Variants in RNASEH2B observed in about 807,000 individuals in gnomAD.
RNASEH2B encodes ribonuclease H2 subunit B.
Under a neutral mutation model 45.0 loss-of-function variants are expected in RNASEH2B, and 36 were observed. The ratio of observed to expected loss-of-function variants is 0.80; its 90% CI spans 0.61 to 1.06. The LOEUF (loss-of-function observed/expected upper bound fraction) is 1.06. Among genes scored for constraint, RNASEH2B ranks in the 50% least tolerant of loss-of-function variants. The pLI is 0.00. For missense variants in RNASEH2B, 361 were observed against 360.3 expected, an observed-to-expected ratio of 1.00 and a Z score of -0.02; for synonymous variants, 119 against 125.7, an observed-to-expected ratio of 0.95 and a Z score of 0.35.
chr13:50,948,188 A>G, intron 8 of RNASEH2B, 120 bp downstream of exon 8: 9 of 1,507,640 alleles, frequency 6.0e-6, no homozygotes, highest in Non-Finnish European at 8.1e-6. Flanking sequence ...TTCTTCAGCT[A>G]TGTCATATAC....
intron 1 of RNASEH2B, 81 bp downstream of exon 1, chr13:50,910,221 C>G: frequency 1.0e-6 from 1 of 974,816 alleles, no homozygotes; most frequent in Non-Finnish European, 1.4e-6. Context: ...CGCCCCCCAC[C>G]CCGGTGGCTC....
At chr13:50,962,717 C>T (rs1405529318) in intron 9 of RNASEH2B, among the ~76,000 whole-genome samples, 1 of 152,152 alleles carries the variant, frequency 6.6e-6, no homozygotes, top group Non-Finnish European at 1.5e-5. Flanking sequence ...TTCTCCTTTA[C>T]ATAATGTGTC....
intron 9 of RNASEH2B, among the ~76,000 whole-genome samples, chr13:50,965,829 G>A (rs1287149088): frequency 6.6e-6 from 1 of 152,148 alleles, no homozygotes; most frequent in Non-Finnish European, 1.5e-5. Context: ...ATTTTACGTA[G>A]CATTTAGAGA....
At chr13:50,915,870 C>T (rs913982577) in intron 1 of RNASEH2B, among the ~76,000 whole-genome samples, 1 of 152,222 alleles carries the variant, frequency 6.6e-6, no homozygotes, top group Admixed American at 6.5e-5. Context: ...CTTACTCCTC[C>T]GAGGGCCTAG....
intron 1 of RNASEH2B, among the ~76,000 whole-genome samples, chr13:50,922,272 TAAG>T (rs1951533631): frequency 6.6e-6 from 1 of 152,200 alleles, no homozygotes; most frequent in African/African-American, 2.4e-5. Flanking sequence ...AAGATGTCCA[TAAG>T]AGGCTTTTAA....
chr13:50,915,674 A>G (rs545632765), intron 1 of RNASEH2B, among the ~76,000 whole-genome samples: 28 of 152,366 alleles, frequency 1.8e-4, no homozygotes, highest in African/African-American at 6.7e-4. Context: ...TCCAAACAGT[A>G]GAGCATGTCA....
intron 1 of RNASEH2B, among the ~76,000 whole-genome samples, chr13:50,921,839 G>A (rs1482037566): frequency 6.6e-6 from 1 of 152,182 alleles, no homozygotes; most frequent in Non-Finnish European, 1.5e-5. Flanking sequence ...AATCTTATTA[G>A]GAACAGCAGG....
At chr13:50,916,393 T>C (rs1468118144) in intron 1 of RNASEH2B, among the ~76,000 whole-genome samples, 1 of 152,190 alleles carries the variant, frequency 6.6e-6, no homozygotes, top group African/African-American at 2.4e-5. Flanking sequence ...GTTTTTTTCC[T>C]CTTAATTTTG....
At chr13:50,935,648 G>C (rs1175061219) in intron 5 of RNASEH2B, 1 of 153,746 alleles carries the variant, frequency 6.5e-6, no homozygotes, top group Non-Finnish European at 1.4e-5. Flanking sequence ...GATAGTCAGA[G>C]AAGCAGTGTA....
chr13:50,931,562 A>T (rs1951681687), intron 4 of RNASEH2B, among the ~76,000 whole-genome samples: 1 of 152,200 alleles, frequency 6.6e-6, no homozygotes, highest in Non-Finnish European at 1.5e-5. Flanking sequence ...GCTTAACTAG[A>T]AGACAACTGG....
At chr13:50,945,307 C>G (rs1024670031) in intron 6 of RNASEH2B, 120 bp from the exon 7 acceptor site, 7 of 724,642 alleles carry the variant, frequency 9.7e-6, no homozygotes, top group Non-Finnish European at 1.3e-5. Flanking sequence ...GAAGATACTT[C>G]TAGGTTCTCA....
chr13:50,934,830 T>G, intron 4 of RNASEH2B, 55 bp from the exon 5 acceptor site: 1 of 1,240,834 alleles, frequency 8.1e-7, no homozygotes, highest in Non-Finnish European at 1.2e-6. Flanking sequence ...TTCTCTTTTT[T>G]TCTGAATGTC....
At chr13:50,942,291 G>A (rs1190009071) in intron 5 of RNASEH2B, 1 of 152,230 alleles carries the variant, frequency 6.6e-6, no homozygotes, top group Non-Finnish European at 1.5e-5. Flanking sequence ...GGGAAGTTAA[G>A]TGTAATTTAT....
At chr13:50,919,935 T>G (rs1254258833) in intron 1 of RNASEH2B, among the ~76,000 whole-genome samples, 2 of 152,256 alleles carry the variant, frequency 1.3e-5, no homozygotes, top group Non-Finnish European at 2.9e-5. Context: ...ATTGTCTCTT[T>G]GTCACTGGTA....
At chr13:50,947,895 G>T in intron 7 of RNASEH2B, 92 bp from the exon 8 acceptor site, 2 of 1,586,038 alleles carry the variant, frequency 1.3e-6, no homozygotes, top group South Asian at 1.1e-5. Context: ...TCCAGATAGG[G>T]TCAGAATTTG....
intron 9 of RNASEH2B, among the ~76,000 whole-genome samples, chr13:50,963,439 C>T (rs1219005052): frequency 6.6e-6 from 1 of 152,182 alleles, no homozygotes; most frequent in African/African-American, 2.4e-5. Context: ...GCTGGGATTA[C>T]AGGCCTGAGC....
intron 1 of RNASEH2B, chr13:50,915,514 T>C (rs1879688748): frequency 2.5e-6 from 1 of 398,636 alleles, no homozygotes; most frequent in African/African-American, 2.1e-5. Context: ...CATTTCATCA[T>C]GATTATTCAT....
intron 9 of RNASEH2B, among the ~76,000 whole-genome samples, chr13:50,964,280 T>TA (rs750839092): frequency 6.6e-6 from 1 of 152,226 alleles, no homozygotes; most frequent in Non-Finnish European, 1.5e-5. Context: ...AGTTTTTTTA[T>TA]AAATGCCCCT....
intron 4 of RNASEH2B, chr13:50,934,335 CT>C: frequency 6.5e-6 from 1 of 155,022 alleles, no homozygotes; most frequent in Non-Finnish European, 1.4e-5. Context: ...CTCTGGCTGT[CT>C]TTTCTTTTAT....
Sources: allele counts gnomAD v4.1 joint callset (sites outside exome capture counted in the v4.1 genomes callset), GRCh38; gene constraint gnomAD v4.1.1; transcripts MANE v1.5; gene names NCBI Gene and HGNC (gene_info 2026-07-23, HGNC 2026-07-21).